Variants in MYL11 observed in about 807,000 individuals in gnomAD.
MYL11 encodes the protein myosin regulatory light chain 11.
chr16:30,377,804 C>A, the MYL11 span: 2 of 1,614,118 alleles, frequency 1.2e-6, no homozygotes, highest in Non-Finnish European at 1.7e-6. Flanking sequence ...AGATCAAGAA[C>A]ATGTGGGCGG....
At chr16:30,373,294 T>C in the MYL11 span, among the ~76,000 whole-genome samples, 1 of 151,916 alleles carries the variant, frequency 6.6e-6, no homozygotes, top group Non-Finnish European at 1.5e-5. Flanking sequence ...CCATCTCTAC[T>C]AAAAATACAA....
the MYL11 span, among the ~76,000 whole-genome samples, chr16:30,374,592 C>G: frequency 6.6e-6 from 1 of 152,222 alleles, no homozygotes. Flanking sequence ...TCTCTTCTTG[C>G]CCAGGCCCTA....
At chr16:30,373,598 A>T in the MYL11 span, among the ~76,000 whole-genome samples, 3 of 150,282 alleles carry the variant, frequency 2.0e-5, no homozygotes, top group Non-Finnish European at 3.0e-5. Context: ...TTCATCTCAA[A>T]AAAAAAAAAA....
chr16:30,374,471 C>T, the MYL11 span, among the ~76,000 whole-genome samples: 3 of 152,178 alleles, frequency 2.0e-5, no homozygotes, highest in Non-Finnish European at 4.4e-5. Flanking sequence ...AATCTGAGCC[C>T]ACCCCACTCA....
chr16:30,377,580 C>T, the MYL11 span: 15 of 1,367,252 alleles, frequency 1.1e-5, no homozygotes, highest in Non-Finnish European at 1.3e-5. Flanking sequence ...GGGCTGGCAT[C>T]GGGGATGAGG....
chr16:30,375,812 C>A, the MYL11 span: 3 of 1,613,188 alleles, frequency 1.9e-6, no homozygotes, highest in African/African-American at 4.0e-5. Flanking sequence ...TCAACCCTCA[C>A]CCTCCAGGCA....
the MYL11 span, chr16:30,375,800 G>C: frequency 5.0e-6 from 8 of 1,610,168 alleles, no homozygotes; most frequent in Non-Finnish European, 6.8e-6. Flanking sequence ...GGGCCCCTTT[G>C]TTCAACCCTC....
the MYL11 span, among the ~76,000 whole-genome samples, chr16:30,374,313 T>TAA: frequency 3.0e-5 from 4 of 132,104 alleles, no homozygotes; most frequent in Non-Finnish European, 3.3e-5. Flanking sequence ...CGAGACTGTC[T>TAA]AAAAAAAAAA....
the MYL11 span, among the ~76,000 whole-genome samples, chr16:30,372,666 G>A: frequency 1.1e-4 from 16 of 150,524 alleles, no homozygotes; most frequent in Non-Finnish European, 2.1e-4. Flanking sequence ...TCCTTTTAGG[G>A]TCTTTTCCTC....
At chr16:30,372,965 C>T in the MYL11 span, 1 of 152,696 alleles carries the variant, frequency 6.5e-6, no homozygotes, top group African/African-American at 2.4e-5. Context: ...CACTCCCATA[C>T]TCCTAGACAG....
the MYL11 span, chr16:30,376,029 T>G: frequency 1.4e-6 from 2 of 1,477,596 alleles, no homozygotes; most frequent in Non-Finnish European, 1.9e-6. Context: ...TCCTCCCCTC[T>G]CTGCTTGGGG....
chr16:30,376,614 C>T, the MYL11 span: 2 of 1,614,124 alleles, frequency 1.2e-6, no homozygotes, highest in Non-Finnish European at 1.7e-6. Context: ...CCTCTGACCC[C>T]CACAGGTGCC....
chr16:30,376,819 TGCTTTGGGA>T, the MYL11 span: 1 of 971,012 alleles, frequency 1.0e-6, no homozygotes, highest in Non-Finnish European at 1.6e-6. Flanking sequence ...ATAATCCCAG[TGCTTTGGGA>T]GGCAGAGGCA....
chr16:30,375,139 GC>G, the MYL11 span, among the ~76,000 whole-genome samples: 14 of 152,136 alleles, frequency 9.2e-5, no homozygotes, highest in Non-Finnish European at 2.1e-4. Flanking sequence ...CACCAGCCAG[GC>G]AATAACTCCC....
chr16:30,377,223 G>GA, the MYL11 span, among the ~76,000 whole-genome samples: 34 of 144,576 alleles, frequency 2.4e-4, no homozygotes, highest in South Asian at 4.4e-4. Context: ...CCAAAAAAAA[G>GA]AAAAAAAAAA....
the MYL11 span, among the ~76,000 whole-genome samples, chr16:30,374,617 G>A: frequency 6.6e-6 from 1 of 152,162 alleles, no homozygotes; most frequent in East Asian, 1.9e-4. Flanking sequence ...GACATGCATC[G>A]CAAGACATGC....
the MYL11 span, chr16:30,376,306 C>T: frequency 6.4e-7 from 1 of 1,556,038 alleles, no homozygotes; most frequent in Non-Finnish European, 8.8e-7. Flanking sequence ...CTGTCAGCTC[C>T]ACCTTGGGCC....
chr16:30,371,129 T>TGGGA, the MYL11 span: 1 of 152,238 alleles, frequency 6.6e-6, no homozygotes, highest in African/African-American at 2.4e-5. Context: ...TCTCAGCCAA[T>TGGGA]GGGAGCATCC....
chr16:30,374,971 C>A, the MYL11 span: 4 of 1,372,120 alleles, frequency 2.9e-6, no homozygotes, highest in South Asian at 2.6e-5. Flanking sequence ...AAAGGATGCT[C>A]ATCTCTTTCT....
Sources: allele counts gnomAD v4.1 joint callset (sites outside exome capture counted in the v4.1 genomes callset), GRCh38; gene constraint gnomAD v4.1.1; transcripts MANE v1.5; gene names NCBI Gene and HGNC (gene_info 2026-07-23, HGNC 2026-07-21).